The following LTBR variants were observed in gnomAD, a reference collection of about 807,000 sequenced individuals.
The protein encoded by LTBR is lymphotoxin beta receptor.
A neutral mutation model predicts 45.4 loss-of-function variants in LTBR; 15 were observed. The observed-to-expected ratio is 0.33, with a 90% confidence interval of 0.22 to 0.51. The LOEUF (loss-of-function observed/expected upper bound fraction) is 0.51, where lower values mean the gene tolerates loss of function less well. Among genes scored for constraint, LTBR ranks in the 20% least tolerant of loss-of-function variants. The pLI is 0.97. For synonymous variants in LTBR, 228 were observed against 231.0 expected (o/e 0.99, Z 0.12); for missense variants, 450 against 565.5 (o/e 0.80, Z 2.07).
At chr12:6,390,380 G>T in intron 9 of LTBR, 40 bp downstream of exon 9, 1 of 1,514,078 alleles carries the variant, frequency 6.6e-7, no homozygotes, top group Non-Finnish European at 9.0e-7. Context: ...GGATGGGGAG[G>T]GAGGGATGGC....
Position 6,388,706 on chromosome 12 carries a change from T to C in LTBR, c.776-94T>C, listed in dbSNP as rs1592101450. The C allele has an allele frequency of 6.6e-7, 1 of 1,511,062 alleles. No homozygotes were observed. The highest frequency in any genetic ancestry group is 9.2e-7 in the Non-Finnish European group (1 of 1,090,448). 93.6% of individuals were successfully genotyped at this position (1,511,062 alleles called of 1,614,324 possible). ...CTTGTTCCTCTGGGCCCCCGGGTGG[T>C]CAAGTTGCTACACATTGTGCTGGGA... On this transcript the variant is annotated intron_variant, in intron 7 of 9. Transcript: ENST00000228918. The surrounding 1 kb of genome is among the most constrained non-coding windows in gnomAD (Gnocchi z 4.3).
chr12:6,383,941 C>T, upstream of LTBR: 3 of 938,812 alleles, frequency 3.2e-6, no homozygotes, highest in South Asian at 5.0e-5. Flanking sequence ...GCCGCCCTTC[C>T]CTCGGCTGGG....
Position 6,388,748 on chromosome 12 carries a change from C to T in LTBR, c.776-52C>T, listed in dbSNP as rs1949077189. ...GTGCTGGGATGTGGAGGCTGAAAGGCTAGGTCTGAGGCCTGCCGGGGAGCC... is the reference window on the plus strand; with the variant it reads ...GTGCTGGGATGTGGAGGCTGAAAGGTTAGGTCTGAGGCCTGCCGGGGAGCC... On this transcript the variant is annotated intron_variant, in intron 7 of 9. Transcript: ENST00000228918. The surrounding 1 kb of genome is among the most constrained non-coding windows in gnomAD (Gnocchi z 4.3). 1 of 1,612,106 alleles carries T rather than the reference C, an allele frequency of 6.2e-7. No individual in the cohort carries two copies. The highest frequency in any genetic ancestry group is 8.5e-7 in the Non-Finnish European group (1 of 1,178,548).
chr12:6,383,206 G>T (rs1179864601), upstream of LTBR, among the ~76,000 whole-genome samples: 3 of 152,088 alleles, frequency 2.0e-5, no homozygotes, highest in African/African-American at 7.2e-5. Context: ...ACAGGTGGGA[G>T]TTAGGAAGAC....
Position 6,384,236 on chromosome 12 carries a change from C to T in LTBR, c.-123C>T. On this transcript the variant is annotated 5_prime_UTR_variant, in exon 1 of 10. Transcript: ENST00000228918. Reference sequence around the variant, plus strand: ...CCGCTCCCGGCCCTGGGGTGCACATCGGCCCTGAGTCCCGTCCCAGGCTCT... The same window carrying T: ...CCGCTCCCGGCCCTGGGGTGCACATTGGCCCTGAGTCCCGTCCCAGGCTCT... 2 of 1,374,474 alleles carry T rather than the reference C, an allele frequency of 1.5e-6. No homozygotes were observed. The highest frequency in any genetic ancestry group is 1.9e-6 in the Non-Finnish European group (2 of 1,069,232). The allele number at this position is 1,374,474 out of a possible 1,614,324, so 85.1% of individuals were successfully genotyped here.
At position 6,386,613 on chromosome 12, in the gene LTBR, ACAC is replaced by A; in HGVS notation, c.667+170_667+172del. 1 of 592,556 alleles carries A rather than the reference ACAC, an allele frequency of 1.7e-6. No individual in the cohort carries two copies. The highest frequency in any genetic ancestry group is 3.0e-5 in the Admixed American group (1 of 33,178). The allele number at this position is 592,556 out of a possible 1,614,324, so 36.7% of individuals were successfully genotyped here. ...TATCTCTAGGCTAGTTTACACACACACACACACACACACACACACACACTTTTA... is the reference window on the plus strand; with the variant it reads ...TATCTCTAGGCTAGTTTACACACACAACACACACACACACACACACTTTTA... On this transcript the variant is annotated intron_variant, in intron 6 of 9. Coordinates refer to ENST00000228918, the MANE Select transcript of LTBR (RefSeq NM_002342.3). This position sits in a 1 kb window ranked among gnomAD's most constrained non-coding sequence, Gnocchi z 4.1.
Position 6,384,743 on chromosome 12 carries a change from C to A in LTBR, c.193+59C>A, listed in dbSNP as rs1316253605. Reference sequence around the variant, plus strand: ...GGAAGTGGGTCACGGGGGCTCCAGCCCCCTCGCGGCCTCAGAGGGAAGGTG... The same window carrying A: ...GGAAGTGGGTCACGGGGGCTCCAGCACCCTCGCGGCCTCAGAGGGAAGGTG... On this transcript the variant is annotated intron_variant, in intron 2 of 9. Coordinates refer to ENST00000228918, the MANE Select transcript of LTBR (RefSeq NM_002342.3). 5 of 1,496,138 alleles carry A rather than the reference C, an allele frequency of 3.3e-6. No homozygotes were observed. The East Asian group carries it at 9.0e-5, about 27-fold the overall frequency. The allele number at this position is 1,496,138 out of a possible 1,614,324, so 92.7% of individuals were successfully genotyped here.
chr12:6,381,521 G>A (rs1948984374), upstream of LTBR, among the ~76,000 whole-genome samples: 1 of 152,226 alleles, frequency 6.6e-6, no homozygotes, highest in South Asian at 2.1e-4. Flanking sequence ...TCCTTAGGGT[G>A]TAGAGAGTCC....
chr12:6,383,327 C>T (rs1000148974), upstream of LTBR, among the ~76,000 whole-genome samples: 4 of 152,228 alleles, frequency 2.6e-5, no homozygotes, highest in African/African-American at 7.2e-5. Flanking sequence ...AGGGCAGGAA[C>T]GAGACCAGGC....
chr12:6,381,951 G>A (rs150041058), upstream of LTBR, among the ~76,000 whole-genome samples: 1,884 of 152,268 alleles, frequency 0.012, 43 homozygotes, highest in African/African-American at 0.041. Flanking sequence ...CAGCCTGGGC[G>A]ACAAAGCGAG....
chr12:6,385,836 C>T (rs560787838), intron 4 of LTBR: 25 of 396,670 alleles, frequency 6.3e-5, no homozygotes, highest in East Asian at 3.5e-4. Flanking sequence ...ACTTGGGAGG[C>T]GGAGCTTGCA....
intron 4 of LTBR, 167 bp downstream of exon 4, chr12:6,385,546 T>G (rs1337287657): frequency 3.7e-6 from 3 of 819,842 alleles, no homozygotes; most frequent in Admixed American, 5.6e-5. Flanking sequence ...TGGAGGGACA[T>G]GGAACTGGGA....
At chr12:6,383,051 G>A (rs900483489), upstream of LTBR, among the ~76,000 whole-genome samples, 1 of 152,220 alleles carries the variant, frequency 6.6e-6, no homozygotes, top group Non-Finnish European at 1.5e-5. Flanking sequence ...GGGGAACACA[G>A]ACTTGAAGAT....
At chr12:6,383,144 T>C (rs1949001286), upstream of LTBR, among the ~76,000 whole-genome samples, 1 of 152,184 alleles carries the variant, frequency 6.6e-6, no homozygotes, top group Non-Finnish European at 1.5e-5. Context: ...TCACGGGGAC[T>C]GTGCAACCTA....
Position 6,388,363 on chromosome 12 carries a change from G to A in LTBR, c.668-35G>A. On this transcript the variant is annotated intron_variant, in intron 6 of 9. Transcript: ENST00000228918. This position sits in a 1 kb window ranked among gnomAD's most constrained non-coding sequence, Gnocchi z 4.3. ...TCCTCCTCCCCTCTGCCCTTCTTGG[G>A]GCTGTGATCACCCTCCTGTCTGCTG... 6.6e-7 allele frequency: 1 copy of A among 1,510,802 alleles called. No homozygotes were observed. The highest frequency in any genetic ancestry group is 9.2e-7 in the Non-Finnish European group (1 of 1,087,292). The allele number at this position is 1,510,802 out of a possible 1,614,324, so 93.6% of individuals were successfully genotyped here.
intron 4 of LTBR, 191 bp downstream of exon 4, chr12:6,385,570 C>T: frequency 1.4e-6 from 1 of 700,508 alleles, no homozygotes; most frequent in Non-Finnish European, 2.3e-6. Flanking sequence ...GTGCAGGGGA[C>T]ACAGGAGGTG....
rs1323180057 is a variant in LTBR at position 6,384,658 on chromosome 12, G to A, written c.167G>A (p.Arg56His). Residue 56 changes from arginine to histidine, a missense_variant, in exon 2 of 10, where the codon CGC becomes CAC. By Grantham distance (29) the Arg-to-His change is conservative. Coordinates refer to ENST00000228918, the MANE Select transcript of LTBR (RefSeq NM_002342.3). Reference sequence around the variant, plus strand: ...AAGGAATACTATGAGCCCCAGCACCGCATCTGCTGCTCCCGCTGCCCGCCA... The same window carrying A: ...AAGGAATACTATGAGCCCCAGCACCACATCTGCTGCTCCCGCTGCCCGCCA... ...QEKEYYEPQH[R>H]ICCSRCPPGT... The A allele has an allele frequency of 1.2e-6, 2 of 1,614,192 alleles. No homozygotes were observed. The highest frequency in any genetic ancestry group is 2.2e-5 in the East Asian group (1 of 44,882).
At chr12:6,381,496 G>A (rs564987927), upstream of LTBR, among the ~76,000 whole-genome samples, 1 of 152,326 alleles carries the variant, frequency 6.6e-6, no homozygotes, top group East Asian at 1.9e-4. Flanking sequence ...TCAAAACCCA[G>A]ATCTCAGGGC....
intron 4 of LTBR, chr12:6,385,629 G>C: frequency 1.9e-6 from 1 of 538,606 alleles, no homozygotes; most frequent in East Asian, 3.3e-5. Flanking sequence ...GCAGTAGGCC[G>C]GGTGTGGTGG....
Sources: gnomAD v4.1 joint callset for allele counts (sites outside exome capture counted in the v4.1 genomes callset) on GRCh38, gnomAD v4.1.1 for gene constraint, Gnocchi (gnomAD v3.1) non-coding constraint, MANE v1.5 for transcripts, NCBI Gene and HGNC (gene_info 2026-07-23, HGNC 2026-07-21) for gene names.